TRAPPC8: variants seen among roughly 807,000 people sequenced by gnomAD.
The protein encoded by TRAPPC8 is trafficking protein particle complex subunit 8.
A neutral mutation model predicts 174.3 loss-of-function variants in TRAPPC8; 54 were observed. The ratio of observed to expected loss-of-function variants is 0.31; its 90% CI spans 0.25 to 0.39. The LOEUF is 0.39. Ranked by LOEUF, TRAPPC8 falls within the 10% of genes least tolerant of loss-of-function variation. The probability of loss-of-function intolerance (pLI) is 1.00; values close to 1 mark genes in which losing one functional copy is unlikely to be tolerated. For missense variants in TRAPPC8, 1,531 were observed against 1,699.1 expected, an observed-to-expected ratio of 0.90 and a Z score of 1.74; for synonymous variants, 630 against 579.9, an observed-to-expected ratio of 1.09 and a Z score of -1.24.
chr18:31,859,021 A>G (rs2034184049), intron 19 of TRAPPC8, among the ~76,000 whole-genome samples: 1 of 152,178 alleles, frequency 6.6e-6, no homozygotes, highest in East Asian at 1.9e-4. Flanking sequence ...CGAGCCCAGG[A>G]AGCAGAGGTT....
intron 2 of TRAPPC8, among the ~76,000 whole-genome samples, chr18:31,920,512 G>A (rs2145565221): frequency 6.6e-6 from 1 of 152,188 alleles, no homozygotes; most frequent in African/African-American, 2.4e-5. Context: ...TTATAAAAGA[G>A]GAACTAGGAC....
At chr18:31,933,083 C>T (rs947231585) in intron 1 of TRAPPC8, among the ~76,000 whole-genome samples, 4 of 149,534 alleles carry the variant, frequency 2.7e-5, no homozygotes, top group African/African-American at 9.9e-5. Flanking sequence ...GGGCAGATCA[C>T]GAGGTCAGGA....
chr18:31,867,488 A>T lies in TRAPPC8; in HGVS notation c.2389-12T>A, dbSNP rs748655569. On this transcript the variant is annotated splice_polypyrimidine_tract_variant and intron_variant, in intron 16 of 28. Coordinates refer to ENST00000283351, the MANE Select transcript of TRAPPC8 (RefSeq NM_014939.5). Reference sequence around the variant, plus strand: ...GGTTCACTTGTAACCTAAAAAATAAATTTCATAAATTATACATTCCAATGA... The same window carrying T: ...GGTTCACTTGTAACCTAAAAAATAATTTTCATAAATTATACATTCCAATGA... 2 of 1,547,822 alleles carry T rather than the reference A, an allele frequency of 1.3e-6. No homozygotes were observed. The highest frequency in any genetic ancestry group is 3.5e-5 in the Admixed American group (2 of 57,914).
chr18:31,846,672 C>G, intron 26 of TRAPPC8, 44 bp downstream of exon 26: 1 of 1,442,750 alleles, frequency 6.9e-7, no homozygotes, highest in Non-Finnish European at 9.5e-7. Flanking sequence ...CAAAAAAAAA[C>G]CCACAAGTTC....
In TRAPPC8 at chr18:31,832,115, C is replaced by T; in HGVS notation, c.4042G>A (p.Val1348Ile). 1 of 1,560,762 alleles carries T rather than the reference C, an allele frequency of 6.4e-7. No homozygotes were observed. Among genetic ancestry groups the T allele is most frequent in the Non-Finnish European group, 8.6e-7 (1 of 1,161,530 alleles). The part of the protein sequence containing the change: ...LSNCSKADVD[V>I]IVDLRHKTTS... ...GTTTTATGCCGAAGATCAACTATGACATCTACATCAGCCTTAGAACAATTG... is the reference window on the plus strand; with the variant it reads ...GTTTTATGCCGAAGATCAACTATGATATCTACATCAGCCTTAGAACAATTG... The change falls in exon 28 of 29, where the codon GTC becomes ATC. Residue 1348 changes from valine to isoleucine, a missense_variant. Transcript: ENST00000283351.
At chr18:31,919,589 T>TA (rs1314380010) in intron 2 of TRAPPC8, among the ~76,000 whole-genome samples, 1 of 52,922 alleles carries the variant, frequency 1.9e-5, no homozygotes, top group Non-Finnish European at 4.4e-5. Context: ...AATAAATAAA[T>TA]AAAATAATAA....
intron 11 of TRAPPC8, chr18:31,896,133 CAG>C (rs1158044528): frequency 6.6e-6 from 1 of 152,068 alleles, no homozygotes; most frequent in Non-Finnish European, 1.5e-5. Flanking sequence ...GAGAGAAGAA[CAG>C]AGACACTTAG....
intron 11 of TRAPPC8, among the ~76,000 whole-genome samples, chr18:31,896,855 C>T (rs530495030): frequency 2.6e-4 from 39 of 152,262 alleles, no homozygotes; most frequent in African/African-American, 9.4e-4. Flanking sequence ...AACTCCTGAC[C>T]TCAGGTGATC....
intron 21 of TRAPPC8, among the ~76,000 whole-genome samples, chr18:31,854,764 C>A (rs55706254): frequency 6.6e-6 from 1 of 151,214 alleles, no homozygotes; most frequent in African/African-American, 2.4e-5. Flanking sequence ...GTCAGGAGAT[C>A]GAGACCATCC....
chr18:31,932,850 C>T (rs909076090), intron 1 of TRAPPC8, among the ~76,000 whole-genome samples: 1 of 151,838 alleles, frequency 6.6e-6, no homozygotes, highest in Non-Finnish European at 1.5e-5. Flanking sequence ...GGCATGGTGG[C>T]GGGCGCCTGT....
intron 24 of TRAPPC8, among the ~76,000 whole-genome samples, chr18:31,851,774 TATG>T (rs1437175352): frequency 2.6e-5 from 4 of 152,146 alleles, no homozygotes; most frequent in Non-Finnish European, 5.9e-5. Flanking sequence ...CAGAATATGA[TATG>T]ATATGATACG....
intron 5 of TRAPPC8, among the ~76,000 whole-genome samples, chr18:31,911,602 G>A (rs1488741232): frequency 2.0e-5 from 3 of 151,420 alleles, no homozygotes; most frequent in African/African-American, 7.3e-5. Flanking sequence ...AGCCAGGCGT[G>A]GTGGCGGGCG....
At chr18:31,877,481 G>A (rs771351199) in intron 12 of TRAPPC8, among the ~76,000 whole-genome samples, 18 of 151,778 alleles carry the variant, frequency 1.2e-4, no homozygotes, top group African/African-American at 3.1e-4. Flanking sequence ...GTGAGGTGGC[G>A]GGCGCCTGTA....
At chr18:31,870,870 C>A (rs1278027518) in intron 15 of TRAPPC8, 56 bp downstream of exon 15, 4 of 1,367,940 alleles carry the variant, frequency 2.9e-6, no homozygotes, top group Non-Finnish European at 2.9e-6. Context: ...AAATTATCTT[C>A]ATCATGCTGT....
intron 2 of TRAPPC8, among the ~76,000 whole-genome samples, chr18:31,929,228 G>A (rs975552887): frequency 6.6e-6 from 1 of 150,910 alleles, no homozygotes; most frequent in Non-Finnish European, 1.5e-5. Flanking sequence ...CCAAACTCCT[G>A]TTTTCAGAGG....
At chr18:31,849,282 T>A (rs1433151158) in intron 25 of TRAPPC8, among the ~76,000 whole-genome samples, 2 of 152,104 alleles carry the variant, frequency 1.3e-5, no homozygotes, top group East Asian at 3.9e-4. Flanking sequence ...CTCTGTAGAA[T>A]GTTTGGAAAT....
chr18:31,942,657 G>A lies in TRAPPC8; in HGVS notation c.108C>T (p.His36=), dbSNP rs1295967459. ...DEAERLTRLN[H]LSFAELLKPF... ...GCTTAAGCAGCTCCGCGAAGCTGAG[G>A]TGATTGAGACGAGTGAGCCGCTCGG... The change falls in exon 1 of 29, where the codon CAC becomes CAT. Residue 36 remains histidine, a synonymous_variant. Coordinates refer to ENST00000283351, the MANE Select transcript of TRAPPC8 (RefSeq NM_014939.5). 1.2e-6 allele frequency: 2 copies of A among 1,611,410 alleles called. No homozygotes were observed. The highest frequency in any genetic ancestry group is 1.7e-5 in the Admixed American group (1 of 59,610).
At chr18:31,875,352 A>G (rs191484715) in intron 12 of TRAPPC8, among the ~76,000 whole-genome samples, 249 of 149,988 alleles carry the variant, frequency 1.7e-3, no homozygotes, top group Non-Finnish European at 2.9e-3. Context: ...AATAATATAT[A>G]AATAAACTTT....
intron 7 of TRAPPC8, 81 bp from the exon 8 acceptor site, chr18:31,908,499 CT>C: frequency 1.0e-6 from 1 of 992,548 alleles, no homozygotes; most frequent in Non-Finnish European, 1.4e-6. Context: ...AACTAAAAAG[CT>C]TTAATAGCAA....
Sources: allele counts gnomAD v4.1 joint callset (sites outside exome capture counted in the v4.1 genomes callset), GRCh38; gene constraint gnomAD v4.1.1; transcripts MANE v1.5; gene names NCBI Gene and HGNC (gene_info 2026-07-23, HGNC 2026-07-21).